CNTN5: variants seen among roughly 807,000 people sequenced by gnomAD.
The protein encoded by CNTN5 is contactin-5.
In CNTN5, 77 loss-of-function variants were observed where a neutral mutation model predicts 129.1. That is an observed-to-expected ratio of 0.60 (90% CI 0.50 to 0.72). CNTN5 has a LOEUF of 0.72. CNTN5 is among the 30% of genes least tolerant of loss of function. The probability of loss-of-function intolerance (pLI) is 0.00; values close to 1 mark genes in which losing one functional copy is unlikely to be tolerated. For missense variants in CNTN5, 1,478 were observed against 1,328.8 expected (o/e 1.11, Z -1.75); for synonymous variants, 509 against 465.6 (o/e 1.09, Z -1.20).
chr11:99,812,251 G>C, intron 3 of CNTN5, among the ~76,000 whole-genome samples: 1 of 151,972 alleles, frequency 6.6e-6, no homozygotes, highest in East Asian at 1.9e-4. Context: ...ATTTGTTTTT[G>C]GGAATACACC....
At chr11:99,253,948 C>G (rs1343866671) in intron 1 of CNTN5, among the ~76,000 whole-genome samples, 2 of 146,808 alleles carry the variant, frequency 1.4e-5, no homozygotes, top group African/African-American at 2.5e-5. Flanking sequence ...TGCATAGGCT[C>G]TATGCATTAA....
chr11:99,747,965 T>C (rs1208464318), intron 3 of CNTN5, among the ~76,000 whole-genome samples: 1 of 152,234 alleles, frequency 6.6e-6, no homozygotes, highest in African/African-American at 2.4e-5. Context: ...CTATTGATAC[T>C]ATCACATGAT....
At chr11:99,948,321 T>G (rs1950598469) in intron 7 of CNTN5, among the ~76,000 whole-genome samples, 1 of 152,216 alleles carries the variant, frequency 6.6e-6, no homozygotes, top group Non-Finnish European at 1.5e-5. Context: ...GTCCCCGTGC[T>G]GGTATTTTAT....
Position 100,081,676 on chromosome 11 carries a change from T to C in CNTN5, c.1580+7382T>C, listed in dbSNP as rs531343799. On this transcript the variant is annotated intron_variant, in intron 13 of 24. Coordinates refer to ENST00000524871, the MANE Select transcript of CNTN5 (RefSeq NM_014361.4). The stretch of plus-strand genomic sequence containing the variant: ...CTGAGGAAAAATTGAAATTCATGGA[T>C]TCTGGAAATTATGTAATTCCGTGTA... 1.3e-4 allele frequency among the ~76,000 whole-genome samples: 20 copies of C among 152,306 alleles called. No homozygotes were observed. In the South Asian group the frequency reaches 3.5e-3, roughly 27 times the overall value.
At chr11:100,244,558 T>A (rs1036525554) in intron 16 of CNTN5, among the ~76,000 whole-genome samples, 7 of 152,200 alleles carry the variant, frequency 4.6e-5, no homozygotes, top group Admixed American at 2.0e-4. Context: ...AGGCCTTTTT[T>A]AAAATGAAGG....
intron 2 of CNTN5, among the ~76,000 whole-genome samples, chr11:99,468,198 G>A (rs910057023): frequency 3.9e-5 from 6 of 152,100 alleles, no homozygotes; most frequent in African/African-American, 1.2e-4. Context: ...TGACAAAAAC[G>A]AATATGCACA....
chr11:99,398,710 A>G (rs1471449497), intron 2 of CNTN5, among the ~76,000 whole-genome samples: 2 of 151,984 alleles, frequency 1.3e-5, no homozygotes. Context: ...TTCAAACAAT[A>G]TTCCATTGTA....
At chr11:99,164,322 CAAA>C (rs35669418) in intron 1 of CNTN5, among the ~76,000 whole-genome samples, 1 of 49,066 alleles carries the variant, frequency 2.0e-5, no homozygotes, top group Non-Finnish European at 4.1e-5. Flanking sequence ...CACTCCATCT[CAAA>C]AAAAAAAAAA....
chr11:99,235,051 TC>T (rs112733059), intron 1 of CNTN5, among the ~76,000 whole-genome samples: 115,187 of 147,474 alleles, frequency 0.78, 45,454 homozygotes, highest in African/African-American at 0.91. Flanking sequence ...CTACCCTTTT[TC>T]TTTTTTTGGA....
intron 2 of CNTN5, among the ~76,000 whole-genome samples, chr11:99,364,832 T>C (rs575973737): frequency 6.6e-6 from 1 of 152,218 alleles, no homozygotes; most frequent in South Asian, 2.1e-4. Flanking sequence ...TGAGTATTTA[T>C]ACTTTGAGGA....
intron 7 of CNTN5, among the ~76,000 whole-genome samples, chr11:99,943,757 C>T (rs1339275242): frequency 6.6e-6 from 1 of 152,010 alleles, no homozygotes; most frequent in Non-Finnish European, 1.5e-5. Flanking sequence ...CATATCGCTA[C>T]CCAGTTTTCC....
intron 3 of CNTN5, among the ~76,000 whole-genome samples, chr11:99,621,783 C>T (rs988498420): frequency 5.9e-5 from 9 of 152,108 alleles, no homozygotes; most frequent in East Asian, 1.9e-4. Flanking sequence ...AGCACACATG[C>T]GAAATTGTCT....
rs532364288 is a variant in CNTN5, at chr11:99,870,591, A to C, written c.577+25329A>C. Among the ~76,000 whole-genome samples the C allele has an allele frequency of 6.2e-4, 94 of 152,282 alleles. 1 individual carries two copies. In the South Asian group the frequency reaches 0.019, roughly 31 times the overall value. On this transcript the variant is annotated intron_variant, in intron 6 of 24. Coordinates refer to ENST00000524871, the MANE Select transcript of CNTN5 (RefSeq NM_014361.4). Reference sequence around the variant, plus strand: ...CAATTTCAATTATAAGTTTAGTCAGAAGTAAACATTCTACCATCAATGGTA... The same window carrying C: ...CAATTTCAATTATAAGTTTAGTCAGCAGTAAACATTCTACCATCAATGGTA...
intron 9 of CNTN5, among the ~76,000 whole-genome samples, chr11:100,008,255 C>G (rs1262017227): frequency 7.9e-5 from 12 of 151,950 alleles, no homozygotes; most frequent in African/African-American, 2.9e-4. Flanking sequence ...AAAAATTGTG[C>G]CAGTAGATTT....
chr11:99,776,621 C>A (rs574016175), intron 3 of CNTN5, among the ~76,000 whole-genome samples: 2 of 151,352 alleles, frequency 1.3e-5, no homozygotes, highest in South Asian at 4.2e-4. Context: ...TGATGAGACT[C>A]AAAAACATTG....
At chr11:99,156,818 A>G (rs1427284436) in intron 1 of CNTN5, among the ~76,000 whole-genome samples, 2 of 152,024 alleles carry the variant, frequency 1.3e-5, no homozygotes, top group African/African-American at 2.4e-5. Context: ...GGATAGTATT[A>G]CAATGTGCAC....
chr11:99,280,303 T>C lies in CNTN5; in HGVS notation c.-209-45043T>C, dbSNP rs116264224. On this transcript the variant is annotated intron_variant, in intron 1 of 24. Transcript: ENST00000524871. ...CACATATGAAATAAATCAAAAGCAA[T>C]TGATGAAAGCTATGAGAAATAAATG... 6.4e-3 allele frequency among the ~76,000 whole-genome samples: 966 copies of C among 151,760 alleles called. 9 individuals are homozygous for C. The highest frequency in any genetic ancestry group is 0.02 in the African/African-American group (850 of 41,478).
intron 18 of CNTN5, among the ~76,000 whole-genome samples, chr11:100,275,638 A>G (rs1430616490): frequency 6.6e-6 from 1 of 152,224 alleles, no homozygotes; most frequent in East Asian, 1.9e-4. Context: ...GTGCATTTTA[A>G]AAGAATTTCT....
At chr11:99,319,270 A>G (rs1225562474) in intron 1 of CNTN5, among the ~76,000 whole-genome samples, 1 of 152,140 alleles carries the variant, frequency 6.6e-6, no homozygotes, top group Non-Finnish European at 1.5e-5. Context: ...AACCTAGAAA[A>G]CGTCCTTAAT....
Sources: gnomAD v4.1 joint callset for allele counts (sites outside exome capture counted in the v4.1 genomes callset) on GRCh38, gnomAD v4.1.1 for gene constraint, MANE v1.5 for transcripts, NCBI Gene and HGNC (gene_info 2026-07-23, HGNC 2026-07-21) for gene names.